The following CYP4X1 variants were observed in gnomAD, a reference collection of about 807,000 sequenced individuals.
CYP4X1 encodes the protein cytochrome P450 4X1.
CYP4X1 carries 44 observed loss-of-function variants against 57.9 expected under a neutral mutation model. The ratio of observed to expected loss-of-function variants is 0.76; its 90% CI spans 0.60 to 0.98. CYP4X1 has a LOEUF of 0.98. Among genes scored for constraint, CYP4X1 ranks in the 50% least tolerant of loss-of-function variants. The pLI is 0.00. For missense variants in CYP4X1, 532 were observed against 623.9 expected (o/e 0.85, Z 1.57); for synonymous variants, 227 against 228.6 (o/e 0.99, Z 0.06).
At chr1:46,984,399 AAAC>A in the CYP4X1 span, among the ~76,000 whole-genome samples, 4 of 134,274 alleles carry the variant, frequency 3.0e-5, no homozygotes, top group East Asian at 7.3e-4. Flanking sequence ...AAAAAAAAAA[AAAC>A]CAGGAGAGGC....
At chr1:47,039,724 GTTTA>G (rs1340846427) in intron 8 of CYP4X1, 192 bp downstream of exon 8, 8 of 376,254 alleles carry the variant, frequency 2.1e-5, no homozygotes, top group East Asian at 9.0e-5. Flanking sequence ...AAAAAAAAAA[GTTTA>G]TTTATCCATA....
chr1:47,006,092 A>G, the CYP4X1 span, among the ~76,000 whole-genome samples: 9 of 152,252 alleles, frequency 5.9e-5, no homozygotes, highest in Non-Finnish European at 1.3e-4. Context: ...ATAAACTGTT[A>G]AAAGTGAAAG....
At chr1:46,985,327 C>G in the CYP4X1 span, among the ~76,000 whole-genome samples, 3,463 of 151,824 alleles carry the variant, frequency 0.023, 80 homozygotes, top group African/African-American at 0.063. Context: ...GAGTCTATCT[C>G]AAAAAAAATA....
At chr1:47,051,084 A>G (rs1355300201), downstream of CYP4X1, among the ~76,000 whole-genome samples, 1 of 152,236 alleles carries the variant, frequency 6.6e-6, no homozygotes, top group African/African-American at 2.4e-5. Flanking sequence ...ATGAACAGAC[A>G]CTTCTCAAAA....
chr1:47,048,614 C>T lies in CYP4X1; in HGVS notation c.1257C>T (p.Val419=). 1 of 1,611,928 alleles carries T rather than the reference C, an allele frequency of 6.2e-7. No homozygotes were observed. Among genetic ancestry groups the T allele is most frequent in the African/African-American group, 1.3e-5 (1 of 74,750 alleles). Residue 419 remains valine, a synonymous_variant, in exon 10 of 12, where the codon GTC becomes GTT. Transcript: ENST00000371901. ...SIWGLHHNPA[V]WKNPKVFDPL... ...GGGGTCTTCACCACAACCCTGCTGT[C>T]TGGAAAAACCCAAAGGTATGATTCT...
At chr1:47,029,844 C>G in intron 1 of CYP4X1, 146 bp from the exon 2 acceptor site, 1 of 810,736 alleles carries the variant, frequency 1.2e-6, no homozygotes, top group Non-Finnish European at 1.9e-6. Flanking sequence ...CTTAGAAGTC[C>G]CAAAGAAAGC....
At chr1:47,012,262 C>T in the CYP4X1 span, among the ~76,000 whole-genome samples, 4 of 152,250 alleles carry the variant, frequency 2.6e-5, no homozygotes, top group South Asian at 6.2e-4. Flanking sequence ...TTTGTAGGGA[C>T]ACGGATGAAG....
chr1:47,018,794 A>G (rs191340926), upstream of CYP4X1, among the ~76,000 whole-genome samples: 655 of 151,308 alleles, frequency 4.3e-3, 4 homozygotes, highest in African/African-American at 0.015. Flanking sequence ...CGGGGAAAAA[A>G]GAAAAAAATT....
chr1:46,967,272 A>G, the CYP4X1 span, among the ~76,000 whole-genome samples: 1 of 152,242 alleles, frequency 6.6e-6, no homozygotes, highest in South Asian at 2.1e-4. Context: ...AGAAAATCCA[A>G]TTCAAATGTG....
the CYP4X1 span, among the ~76,000 whole-genome samples, chr1:46,998,302 A>C: frequency 9.9e-5 from 15 of 152,072 alleles, no homozygotes; most frequent in African/African-American, 3.6e-4. Context: ...TAGCTTCCCA[A>C]GTAGCTGGAA....
At chr1:47,029,965 ATTAC>A in intron 1 of CYP4X1, 21 bp from the exon 2 acceptor site, 1 of 1,611,656 alleles carries the variant, frequency 6.2e-7, no homozygotes, top group Non-Finnish European at 8.5e-7. Flanking sequence ...TGGCTGGCTA[ATTAC>A]TTTTACTTTT....
At chr1:47,023,562 G>A (rs1644021306), upstream of CYP4X1, 11 of 1,270,534 alleles carry the variant, frequency 8.7e-6, no homozygotes, top group Non-Finnish European at 1.1e-5. Flanking sequence ...GGACGCTCCA[G>A]GAGCGCAAAA....
chr1:47,002,331 C>T, the CYP4X1 span, among the ~76,000 whole-genome samples: 6 of 152,232 alleles, frequency 3.9e-5, no homozygotes, highest in South Asian at 6.2e-4. Flanking sequence ...TGAATAAAAT[C>T]GAATGGAATA....
the CYP4X1 span, among the ~76,000 whole-genome samples, chr1:47,006,637 G>A: frequency 1.4e-4 from 21 of 152,268 alleles, no homozygotes; most frequent in Non-Finnish European, 2.1e-4. Flanking sequence ...GTGAGTCATC[G>A]CGTCACCCAG....
chr1:47,049,761 G>T (rs1644341560), intron 11 of CYP4X1, among the ~76,000 whole-genome samples: 1 of 152,152 alleles, frequency 6.6e-6, no homozygotes, highest in South Asian at 2.1e-4. Flanking sequence ...CAAAGCAAGA[G>T]AAATAATTTC....
the CYP4X1 span, among the ~76,000 whole-genome samples, chr1:46,984,640 T>TG: frequency 6.6e-6 from 1 of 151,994 alleles, no homozygotes. Flanking sequence ...AGGGAAGCCA[T>TG]GGGGGGCTGT....
chr1:47,029,663 C>A (rs957618953), intron 1 of CYP4X1, among the ~76,000 whole-genome samples: 2 of 152,160 alleles, frequency 1.3e-5, no homozygotes, highest in African/African-American at 4.8e-5. Flanking sequence ...CCACTCCAAT[C>A]TGAGTGTGTG....
chr1:46,980,298 T>G, the CYP4X1 span, among the ~76,000 whole-genome samples: 1 of 152,176 alleles, frequency 6.6e-6, no homozygotes, highest in African/African-American at 2.4e-5. Flanking sequence ...ACAAAATCAA[T>G]GTGCAAAAAT....
intron 8 of CYP4X1, among the ~76,000 whole-genome samples, chr1:47,045,218 G>A (rs1003736270): frequency 6.6e-6 from 1 of 152,262 alleles, no homozygotes; most frequent in South Asian, 2.1e-4. Context: ...TTCAAAATAA[G>A]TAATCAGAAA....
Sources: allele counts gnomAD v4.1 joint callset (sites outside exome capture counted in the v4.1 genomes callset), GRCh38; gene constraint gnomAD v4.1.1; transcripts MANE v1.5; gene names NCBI Gene and HGNC (gene_info 2026-07-23, HGNC 2026-07-21).